CCDC171: variants seen among roughly 807,000 people sequenced by gnomAD.
CCDC171 encodes coiled-coil domain containing 171.
CCDC171 carries 177 observed loss-of-function variants against 168.2 expected under a neutral mutation model. That is an observed-to-expected ratio of 1.05 (90% CI 0.93 to 1.19). The LOEUF (loss-of-function observed/expected upper bound fraction) is 1.19. Ranked by LOEUF, CCDC171 falls within the 50% of genes most tolerant of loss-of-function variation. The probability of loss-of-function intolerance (pLI) is 0.00; values close to 1 mark genes in which losing one functional copy is unlikely to be tolerated. For synonymous variants in CCDC171, 687 were observed against 540.8 expected (o/e 1.27, Z -3.75); for missense variants, 1,991 against 1,539.0 (o/e 1.29, Z -4.91).
intron 24 of CCDC171, among the ~76,000 whole-genome samples, chr9:15,907,584 G>A (rs1353357217): frequency 2.6e-5 from 4 of 152,148 alleles, no homozygotes; most frequent in Non-Finnish European, 4.4e-5. Flanking sequence ...TTACCATTCA[G>A]GACATAGGCA....
chr9:15,709,792 C>G (rs1260542414), intron 11 of CCDC171, among the ~76,000 whole-genome samples: 1 of 152,084 alleles, frequency 6.6e-6, no homozygotes, highest in African/African-American at 2.4e-5. Context: ...AGATAAGATC[C>G]TCCTATGATC....
In CCDC171 at chr9:15,980,150, G is replaced by A. The variant is rs539972785; in HGVS notation, n.369-40439G>A. On this transcript the variant is annotated intron_variant and non_coding_transcript_variant, in intron 3 of 9. Coordinates refer to the CCDC171 transcript ENST00000486641. ...AGAGTTTTAGATGTAATAATACAAA[G>A]CATCTAATGTTTTCTGGAAATTTTC... Among the ~76,000 whole-genome samples the A allele has an allele frequency of 2.7e-3, 411 of 152,174 alleles. 1 individual carries two copies. The highest frequency in any genetic ancestry group is 9.7e-3 in the African/African-American group (401 of 41,520).
the CCDC171 span, among the ~76,000 whole-genome samples, chr9:16,073,549 C>A: frequency 1.3e-5 from 2 of 152,060 alleles, no homozygotes; most frequent in Admixed American, 1.3e-4. Flanking sequence ...TTGGTCTCTT[C>A]CATTTAGGTT....
intron 17 of CCDC171, among the ~76,000 whole-genome samples, 168 bp from the exon 18 acceptor site, chr9:15,745,347 G>A (rs2055193542): frequency 6.6e-6 from 1 of 152,132 alleles, no homozygotes; most frequent in Non-Finnish European, 1.5e-5. Context: ...ACAGTTATTT[G>A]TAAATTAGGT....
intron 14 of CCDC171, 148 bp from the exon 15 acceptor site, chr9:15,727,721 T>C (rs2053899073): frequency 7.3e-6 from 4 of 551,146 alleles, no homozygotes; most frequent in Non-Finnish European, 1.2e-5. Flanking sequence ...GTTTTGATTA[T>C]AAAAAAAGTC....
intron 24 of CCDC171, chr9:15,875,819 A>T (rs1295228015): frequency 1.3e-5 from 2 of 151,982 alleles, no homozygotes; most frequent in African/African-American, 4.8e-5. Context: ...ATATGTCTAA[A>T]ATATATATAA....
chr9:15,655,569 A>G (rs56304941), intron 7 of CCDC171, among the ~76,000 whole-genome samples: 4,457 of 152,274 alleles, frequency 0.029, 211 homozygotes, highest in African/African-American at 0.1. Flanking sequence ...AGACTTCATC[A>G]TAATGAAAAG....
chr9:15,774,965 G>A (rs187354901), intron 18 of CCDC171, among the ~76,000 whole-genome samples: 1 of 152,270 alleles, frequency 6.6e-6, no homozygotes, highest in Admixed American at 6.5e-5. Context: ...AAAGGGTGAG[G>A]GGTGACGAGG....
chr9:15,913,267 G>A (rs1261544136), intron 24 of CCDC171, among the ~76,000 whole-genome samples: 2 of 152,152 alleles, frequency 1.3e-5, no homozygotes, highest in South Asian at 2.1e-4. Flanking sequence ...GTGGGTATAT[G>A]TGTCCAGGAA....
At chr9:16,000,214 T>C (rs1335388130) in intron 3 of CCDC171, among the ~76,000 whole-genome samples, 1 of 152,194 alleles carries the variant, frequency 6.6e-6, no homozygotes, top group Non-Finnish European at 1.5e-5. Flanking sequence ...TCCATATGTC[T>C]TCCAGCTAAA....
chr9:15,821,576 A>G (rs1350433554), intron 21 of CCDC171, among the ~76,000 whole-genome samples: 3 of 117,282 alleles, frequency 2.6e-5, no homozygotes, highest in Admixed American at 8.1e-5. Context: ...GTGAACTCCC[A>G]TTCACAATTG....
At chr9:15,892,104 A>G (rs893140996) in intron 24 of CCDC171, among the ~76,000 whole-genome samples, 1 of 152,190 alleles carries the variant, frequency 6.6e-6, no homozygotes, top group African/African-American at 2.4e-5. Context: ...TATTTCCCCA[A>G]CTTGAAAAAT....
chr9:15,673,328 T>C (rs925911414), intron 9 of CCDC171, among the ~76,000 whole-genome samples: 3 of 152,240 alleles, frequency 2.0e-5, no homozygotes, highest in Non-Finnish European at 4.4e-5. Context: ...CTTTTCCTAA[T>C]TGAATACGCT....
chr9:15,801,740 A>T (rs1164383790), intron 21 of CCDC171, among the ~76,000 whole-genome samples: 1 of 152,070 alleles, frequency 6.6e-6, no homozygotes, highest in Non-Finnish European at 1.5e-5. Flanking sequence ...TCAGTATGAT[A>T]CTAGCTGTGG....
chr9:15,863,532 C>T (rs996851856), intron 23 of CCDC171, among the ~76,000 whole-genome samples: 1 of 151,912 alleles, frequency 6.6e-6, no homozygotes, highest in Non-Finnish European at 1.5e-5. Flanking sequence ...CACCCCACCA[C>T]CAAATTTTGA....
intron 4 of CCDC171, among the ~76,000 whole-genome samples, chr9:15,580,623 GA>G (rs1170270997): frequency 1.3e-5 from 2 of 151,964 alleles, no homozygotes; most frequent in East Asian, 3.9e-4. Flanking sequence ...AAAAACATAT[GA>G]AAAAATGTTC....
intron 4 of CCDC171, among the ~76,000 whole-genome samples, chr9:15,584,035 T>C (rs2041357530): frequency 6.6e-6 from 1 of 151,884 alleles, no homozygotes; most frequent in Non-Finnish European, 1.5e-5. Flanking sequence ...CCCGGCTAAT[T>C]TTCTTGTATT....
intron 6 of CCDC171, among the ~76,000 whole-genome samples, chr9:15,604,930 A>G (rs1329813412): frequency 6.6e-6 from 1 of 152,174 alleles, no homozygotes; most frequent in East Asian, 1.9e-4. Flanking sequence ...ATTATTTTAT[A>G]TTTTTGAGAC....
At chr9:15,727,444 A>G (rs1001612163) in intron 14 of CCDC171, among the ~76,000 whole-genome samples, 1 of 152,162 alleles carries the variant, frequency 6.6e-6, no homozygotes, top group South Asian at 2.1e-4. Context: ...GTTTTTTGAC[A>G]AGTAGTATCT....
Sources: gnomAD v4.1 joint callset for allele counts (sites outside exome capture counted in the v4.1 genomes callset) on GRCh38, gnomAD v4.1.1 for gene constraint, MANE v1.5 for transcripts, NCBI Gene and HGNC (gene_info 2026-07-23, HGNC 2026-07-21) for gene names.